FOXP2: variants seen among roughly 807,000 people sequenced by gnomAD.
FOXP2 encodes forkhead box P2, also known as forkhead box protein P2.
Under a neutral mutation model 115.8 loss-of-function variants are expected in FOXP2, and 12 were observed. The observed-to-expected ratio is 0.10, with a 90% CI of 0.07 to 0.17. The LOEUF is 0.17. FOXP2 is among the 10% of genes least tolerant of loss of function. The pLI, the probability that FOXP2 is intolerant of heterozygous loss-of-function variation, is 1.00. For missense variants in FOXP2, 629 were observed against 843.5 expected (o/e 0.75, Z 3.15); for synonymous variants, 328 against 297.7 (o/e 1.10, Z -1.05).
intron 2 of FOXP2, among the ~76,000 whole-genome samples, chr7:114,485,212 A>C (rs1231418710): frequency 6.6e-6 from 1 of 151,936 alleles, no homozygotes; most frequent in Non-Finnish European, 1.5e-5. Flanking sequence ...TCTGAAAATA[A>C]TGTTTTAGAA....
chr7:114,206,693 C>A (rs192990635), intron 1 of FOXP2, among the ~76,000 whole-genome samples: 2 of 152,260 alleles, frequency 1.3e-5, no homozygotes, highest in African/African-American at 4.8e-5. Flanking sequence ...CCACTTTATA[C>A]CTCTTTCTAG....
intron 2 of FOXP2, among the ~76,000 whole-genome samples, chr7:114,443,776 T>C (rs1794712062): frequency 1.3e-5 from 2 of 152,310 alleles, no homozygotes; most frequent in South Asian, 4.1e-4. Flanking sequence ...GGCTGCATAG[T>C]ATGCCATTGT....
chr7:114,129,989 T>C (rs760374625), intron 1 of FOXP2, among the ~76,000 whole-genome samples: 6 of 152,132 alleles, frequency 3.9e-5, no homozygotes, highest in Non-Finnish European at 8.8e-5. Context: ...AAACTTTTCT[T>C]GATGGGAAAA....
Position 114,243,916 on chromosome 7 carries a change from G to GTTTT in FOXP2, c.-101-44094_-101-44091dup, listed in dbSNP as rs3997270. ...AGGTAACAAGCATGGTTTTTAGCTTGTTTTTTTTTTTTGTTTTGTTTTTGT... is the reference window on the plus strand; with the variant it reads ...AGGTAACAAGCATGGTTTTTAGCTTGTTTTTTTTTTTTTTTTGTTTTGTTTTTGT... On this transcript the variant is annotated intron_variant, in intron 1 of 17. Coordinates refer to the FOXP2 transcript ENST00000634411. Among the ~76,000 whole-genome samples, 170 of 144,638 alleles carry GTTTT rather than the reference G, an allele frequency of 1.2e-3. 1 individual carries two copies. Among genetic ancestry groups the GTTTT allele is most frequent in the African/African-American group, 4.1e-3 (163 of 39,706 alleles). 94.9% of individuals were successfully genotyped at this position (144,638 alleles called of 152,430 possible).
chr7:114,300,672 T>C (rs1323887674), intron 2 of FOXP2, among the ~76,000 whole-genome samples: 1 of 152,066 alleles, frequency 6.6e-6, no homozygotes, highest in Admixed American at 6.6e-5. Flanking sequence ...TTTTCTTGTG[T>C]TTCTGCTCAG....
chr7:114,115,609 C>A (rs974957911), intron 1 of FOXP2, among the ~76,000 whole-genome samples: 1 of 152,084 alleles, frequency 6.6e-6, no homozygotes, highest in Non-Finnish European at 1.5e-5. Flanking sequence ...TCCCACTTTT[C>A]TTCTCTACTC....
intron 2 of FOXP2, among the ~76,000 whole-genome samples, chr7:114,328,253 T>C (rs1374382298): frequency 1.3e-5 from 2 of 149,442 alleles, no homozygotes; most frequent in Admixed American, 6.7e-5. Flanking sequence ...TTTTTTTTTT[T>C]TGAGACAGAG....
intron 1 of FOXP2, among the ~76,000 whole-genome samples, chr7:114,173,056 A>G (rs906375197): frequency 1.3e-5 from 2 of 152,082 alleles, no homozygotes; most frequent in Middle Eastern, 3.4e-3. Context: ...ATATAGATAT[A>G]TATTACATTA....
intron 1 of FOXP2, among the ~76,000 whole-genome samples, chr7:114,274,782 GT>G (rs1429278038): frequency 6.6e-6 from 1 of 150,790 alleles, no homozygotes; most frequent in Admixed American, 6.6e-5. Flanking sequence ...TGCCCGACTA[GT>G]TTTTTTATGT....
intron 1 of FOXP2, among the ~76,000 whole-genome samples, chr7:114,095,707 T>A (rs1799633497): frequency 6.6e-6 from 1 of 152,226 alleles, no homozygotes; most frequent in South Asian, 2.1e-4. Flanking sequence ...CTGTGCTCAT[T>A]TATATATTTA....
At chr7:114,432,175 T>C (rs1200963906) in intron 2 of FOXP2, among the ~76,000 whole-genome samples, 2 of 151,980 alleles carry the variant, frequency 1.3e-5, no homozygotes, top group Non-Finnish European at 2.9e-5. Flanking sequence ...TAATGTCAGT[T>C]AGGAAGATAC....
intron 2 of FOXP2, among the ~76,000 whole-genome samples, chr7:114,405,240 G>A (rs1459379618): frequency 6.6e-6 from 1 of 151,836 alleles, no homozygotes; most frequent in East Asian, 1.9e-4. Context: ...AATTTGAACA[G>A]ATAATTTGGT....
intron 1 of FOXP2, among the ~76,000 whole-genome samples, chr7:114,177,762 A>G (rs1024521535): frequency 6.6e-6 from 1 of 151,964 alleles, no homozygotes; most frequent in Admixed American, 6.6e-5. Context: ...GGCTAAATGA[A>G]GTTATTTAAC....
rs569497050 is a variant in FOXP2 at position 114,271,891 on chromosome 7, AT to A, written c.-101-16126del. On this transcript the variant is annotated intron_variant, in intron 1 of 17. Transcript: ENST00000634411. ...TATAATATGATTATTAATTATAAAC[AT>A]TAATATAATTATTAATATAATTATA... Among the ~76,000 whole-genome samples the A allele has an allele frequency of 5.6e-3, 713 of 127,682 alleles. 4 individuals are homozygous for A. The highest frequency in any genetic ancestry group is 0.02 in the African/African-American group (668 of 32,968). The allele number at this position is 127,682 out of a possible 152,430, so 83.8% of individuals were successfully genotyped here.
intron 3 of FOXP2, among the ~76,000 whole-genome samples, chr7:114,541,176 C>G (rs1584871789): frequency 6.6e-6 from 1 of 152,096 alleles, no homozygotes; most frequent in African/African-American, 2.4e-5. Context: ...AAATAGCTAG[C>G]TTTTAGCAAA....
chr7:114,483,934 C>T (rs1363947060), intron 2 of FOXP2, among the ~76,000 whole-genome samples: 1 of 151,680 alleles, frequency 6.6e-6, no homozygotes, highest in Non-Finnish European at 1.5e-5. Context: ...TGGTCTACTT[C>T]TTCTAGTACT....
intron 2 of FOXP2, among the ~76,000 whole-genome samples, chr7:114,509,625 A>C (rs1407310485): frequency 6.0e-5 from 9 of 150,280 alleles, no homozygotes; most frequent in Non-Finnish European, 1.3e-4. Context: ...AGTGAATTGA[A>C]AAAGAGCAGA....
intron 1 of FOXP2, among the ~76,000 whole-genome samples, chr7:114,089,107 A>C (rs1225973305): frequency 1.3e-5 from 2 of 152,050 alleles, no homozygotes; most frequent in Non-Finnish European, 2.9e-5. Context: ...AACTAGACTC[A>C]TATTCAGTCG....
At chr7:114,139,104 T>C (rs1792131649) in intron 1 of FOXP2, among the ~76,000 whole-genome samples, 1 of 152,124 alleles carries the variant, frequency 6.6e-6, no homozygotes, top group Non-Finnish European at 1.5e-5. Flanking sequence ...ATAACAAAAA[T>C]AGCTAACACT....
Sources: allele counts gnomAD v4.1 joint callset (sites outside exome capture counted in the v4.1 genomes callset), GRCh38; gene constraint gnomAD v4.1.1; transcripts MANE v1.5; gene names NCBI Gene and HGNC (gene_info 2026-07-23, HGNC 2026-07-21).